ARMC3: variants seen among roughly 807,000 people sequenced by gnomAD.
ARMC3 encodes the protein armadillo repeat containing 3.
Under a neutral mutation model 90.3 loss-of-function variants are expected in ARMC3, and 74 were observed. The observed-to-expected ratio is 0.82, with a 90% CI of 0.68 to 0.99. ARMC3 has a LOEUF of 0.99. ARMC3 is among the 50% of genes least tolerant of loss of function. The probability of loss-of-function intolerance (pLI) is 0.00; values close to 1 mark genes in which losing one functional copy is unlikely to be tolerated. For synonymous variants in ARMC3, 334 were observed against 361.8 expected, an observed-to-expected ratio of 0.92 and a Z score of 0.87; for missense variants, 958 against 1,042.8, an observed-to-expected ratio of 0.92 and a Z score of 1.12.
At chr10:22,988,231 G>C (rs1051292918) in intron 10 of ARMC3, among the ~76,000 whole-genome samples, 2 of 152,184 alleles carry the variant, frequency 1.3e-5, no homozygotes, top group Non-Finnish European at 2.9e-5. Context: ...AGAATGCCAT[G>C]CAATTTGTAG....
intron 18 of ARMC3, among the ~76,000 whole-genome samples, chr10:23,035,348 T>C (rs917864620): frequency 8.5e-5 from 13 of 152,136 alleles, no homozygotes; most frequent in African/African-American, 2.9e-4. Context: ...ACATATGAAT[T>C]TGGGGGAGTA....
intron 10 of ARMC3, among the ~76,000 whole-genome samples, chr10:22,997,551 A>G (rs1837046979): frequency 6.6e-6 from 1 of 152,224 alleles, no homozygotes; most frequent in Middle Eastern, 3.2e-3. Context: ...TAAAAGCAGT[A>G]TTCACATGCA....
chr10:23,020,902 C>T (rs1159372281), intron 16 of ARMC3, among the ~76,000 whole-genome samples: 1 of 152,006 alleles, frequency 6.6e-6, no homozygotes, highest in Non-Finnish European at 1.5e-5. Context: ...ATCCTGTCAC[C>T]CAGGTAGTGA....
At chr10:22,995,792 G>A (rs1433563671) in intron 10 of ARMC3, among the ~76,000 whole-genome samples, 4 of 152,134 alleles carry the variant, frequency 2.6e-5, no homozygotes, top group Non-Finnish European at 4.4e-5. Flanking sequence ...ATGACCCTGC[G>A]AACTCCTTTA....
chr10:23,029,380 T>C (rs1352502261), intron 16 of ARMC3, among the ~76,000 whole-genome samples: 1 of 152,200 alleles, frequency 6.6e-6, no homozygotes, highest in Admixed American at 6.5e-5. Flanking sequence ...CTCAAACAGC[T>C]GTTGCATGCA....
Position 22,933,892 on chromosome 10 carries a change from A to C in ARMC3, c.48+1848A>C, listed in dbSNP as rs185555769. Among the ~76,000 whole-genome samples, 362 of 152,270 alleles carry C rather than the reference A, an allele frequency of 2.4e-3. 1 individual carries two copies. The highest frequency in any genetic ancestry group is 3.5e-3 in the Non-Finnish European group (240 of 68,022). On this transcript the variant is annotated intron_variant, in intron 2 of 18. Transcript: ENST00000298032. Reference sequence around the variant, plus strand: ...AGAGCGAGACTGCATCTCAAAAAACAAACCAACCAACCAACAAACAAACAA... The same window carrying C: ...AGAGCGAGACTGCATCTCAAAAAACCAACCAACCAACCAACAAACAAACAA...
chr10:23,016,215 C>T (rs558505860), intron 16 of ARMC3, among the ~76,000 whole-genome samples: 1 of 152,324 alleles, frequency 6.6e-6, no homozygotes, highest in South Asian at 2.1e-4. Flanking sequence ...TTATTTTCCA[C>T]ATAACAAAAT....
At chr10:23,032,676 A>ATACAGTAAGCATGCTATGC (rs1838961354) in intron 17 of ARMC3, among the ~76,000 whole-genome samples, 185 bp from the exon 18 acceptor site, 1 of 152,198 alleles carries the variant, frequency 6.6e-6, no homozygotes, top group Admixed American at 6.6e-5. Flanking sequence ...GATGGTTTGC[A>ATACAGTAAGCATGCTATGC]TACAGTAAGC....
intron 16 of ARMC3, among the ~76,000 whole-genome samples, chr10:23,017,629 G>A (rs576614123): frequency 4.6e-5 from 7 of 152,342 alleles, no homozygotes; most frequent in Non-Finnish European, 7.3e-5. Context: ...GCTGGGTATG[G>A]TGGGGAATGC....
chr10:22,937,335 G>A (rs1303264234), intron 2 of ARMC3, among the ~76,000 whole-genome samples: 1 of 152,028 alleles, frequency 6.6e-6, no homozygotes, highest in Non-Finnish European at 1.5e-5. Context: ...GTTCTTCTGT[G>A]GTGATCATGA....
At chr10:22,988,794 C>A (rs781172645) in intron 10 of ARMC3, among the ~76,000 whole-genome samples, 7 of 152,160 alleles carry the variant, frequency 4.6e-5, no homozygotes, top group Non-Finnish European at 8.8e-5. Context: ...CACTTCTTGG[C>A]CAGTTACACA....
chr10:22,982,333 G>A (rs1185519731), intron 10 of ARMC3, among the ~76,000 whole-genome samples: 7 of 152,216 alleles, frequency 4.6e-5, no homozygotes, highest in African/African-American at 7.2e-5. Context: ...AGCCGAGCTC[G>A]TGCCATTGCA....
chr10:23,012,076 C>A (rs1353574615), intron 16 of ARMC3, among the ~76,000 whole-genome samples: 9 of 152,150 alleles, frequency 5.9e-5, no homozygotes, highest in Non-Finnish European at 1.3e-4. Context: ...ATCTTTGGTT[C>A]TTCTGCTCTT....
intron 16 of ARMC3, among the ~76,000 whole-genome samples, chr10:23,027,806 TACCAC>T (rs1838771952): frequency 6.6e-6 from 1 of 152,120 alleles, no homozygotes; most frequent in African/African-American, 2.4e-5. Flanking sequence ...TTTTTAATTG[TACCAC>T]AGGTCCCTGA....
chr10:22,983,661 A>C (rs1836285729), intron 10 of ARMC3, among the ~76,000 whole-genome samples: 1 of 152,194 alleles, frequency 6.6e-6, no homozygotes, highest in Non-Finnish European at 1.5e-5. Context: ...AAAATATTGA[A>C]GATGAATGCT....
At chr10:22,946,616 C>A in intron 3 of ARMC3, 1 of 173,478 alleles carries the variant, frequency 5.8e-6, no homozygotes, top group Non-Finnish European at 1.2e-5. Context: ...AAATAAGTAT[C>A]CATGAGTCCA....
At chr10:22,959,838 A>G (rs1835116919) in intron 6 of ARMC3, 2 of 539,874 alleles carry the variant, frequency 3.7e-6, no homozygotes, top group Non-Finnish European at 7.0e-6. Flanking sequence ...GCATTCAAAT[A>G]AAATGTACTT....
In ARMC3 at chr10:23,008,370, A is replaced by G. The variant is rs771587068; in HGVS notation, c.1924A>G (p.Asn642Asp). 35 of 1,426,240 alleles carry G rather than the reference A, an allele frequency of 2.5e-5. No individual in the cohort carries two copies. The highest frequency in any genetic ancestry group is 9.7e-7 in the Non-Finnish European group (1 of 1,034,792). The allele number at this position is 1,426,240 out of a possible 1,614,324, so 88.3% of individuals were successfully genotyped here. A position where few individuals can be genotyped will look rare whatever the true frequency, so the allele number is the denominator to read the frequency against. Residue 642 changes from asparagine to aspartate, a missense_variant, in exon 15 of 19, where the codon AAC (asparagine) becomes GAC (aspartate). Transcript: ENST00000298032. ...SSLRRSSKEK[N>D]KKNSYHFSAG... is the part of the protein sequence containing the mutation. ...CTTAAGAAGATCAAGTAAAGAAAAG[A>G]ACAAGTAAGAAAATGATGTTTTATC...
At chr10:23,036,591 G>A (rs190703321) in intron 18 of ARMC3, among the ~76,000 whole-genome samples, 65 of 152,314 alleles carry the variant, frequency 4.3e-4, no homozygotes, top group African/African-American at 1.6e-3. Context: ...CCTTGCTGGG[G>A]TGCGCGGCTA....
Sources: gnomAD v4.1 joint callset for allele counts (sites outside exome capture counted in the v4.1 genomes callset) on GRCh38, gnomAD v4.1.1 for gene constraint, MANE v1.5 for transcripts, NCBI Gene and HGNC (gene_info 2026-07-23, HGNC 2026-07-21) for gene names.